ADARB1: variants seen among roughly 807,000 people sequenced by gnomAD.
ADARB1 encodes the protein double-stranded RNA-specific editase 1.
Under a neutral mutation model 52.4 loss-of-function variants are expected in ADARB1, and 10 were observed. The ratio of observed to expected loss-of-function variants is 0.19; its 90% CI spans 0.12 to 0.32. The LOEUF (loss-of-function observed/expected upper bound fraction) is 0.32. Among genes scored for constraint, ADARB1 ranks in the 10% least tolerant of loss-of-function variants. ADARB1 has a pLI of 1.00. For missense variants in ADARB1, 643 were observed against 922.3 expected, an observed-to-expected ratio of 0.70 and a Z score of 3.92; for synonymous variants, 349 against 371.1, an observed-to-expected ratio of 0.94 and a Z score of 0.68.
chr21:45,211,896 G>A (rs9978543), intron 9 of ADARB1, among the ~76,000 whole-genome samples: 22,120 of 152,094 alleles, frequency 0.15, 2,183 homozygotes, highest in African/African-American at 0.27. Context: ...AGACGTATGC[G>A]CTTATGACCA....
At chr21:45,109,158 CGTATATGTGTGTGCGCGCGT>C (rs1569015275) in intron 1 of ADARB1, among the ~76,000 whole-genome samples, 2 of 150,600 alleles carry the variant, frequency 1.3e-5, no homozygotes, top group East Asian at 4.0e-4. Flanking sequence ...CGCGCGTGTG[CGTATATGTGTGTGCGCGCGT>C]GTGCGTATAT....
rs771115853 is a variant in ADARB1 at position 45,220,800 on chromosome 21, G to A, written c.1748-36G>A. 24 of 1,600,878 alleles carry A rather than the reference G, an allele frequency of 1.5e-5. No individual in the cohort carries two copies. In the South Asian group the frequency reaches 1.8e-4, roughly 12 times the overall value. ...CTGCTCCCTCCCTGGGGGTGAAAGC[G>A]GGCTTCACACCACCTTCCTGTGTCT... On this transcript the variant is annotated intron_variant, in intron 9 of 10. Transcript: ENST00000348831. This position sits in a 1 kb window ranked among gnomAD's most constrained non-coding sequence, Gnocchi z 6.3.
intron 1 of ADARB1, among the ~76,000 whole-genome samples, chr21:45,102,796 C>G (rs2087079215): frequency 6.6e-6 from 1 of 152,228 alleles, no homozygotes; most frequent in Non-Finnish European, 1.5e-5. Context: ...CAGATCATCT[C>G]TGCATCTGCT....
intron 1 of ADARB1, among the ~76,000 whole-genome samples, chr21:45,094,588 T>C (rs1246174852): frequency 6.6e-6 from 1 of 152,102 alleles, no homozygotes; most frequent in African/African-American, 2.4e-5. Context: ...TCTGCTTGTG[T>C]TTCTGCTCTC....
At chr21:45,148,634 G>A (rs765209696) in intron 2 of ADARB1, among the ~76,000 whole-genome samples, 8 of 152,240 alleles carry the variant, frequency 5.3e-5, no homozygotes, top group Non-Finnish European at 1.2e-4. Context: ...GGGCACTGGA[G>A]CTGGTGCTGA....
At chr21:45,102,051 C>G (rs1466058085) in intron 1 of ADARB1, among the ~76,000 whole-genome samples, 1 of 152,106 alleles carries the variant, frequency 6.6e-6, no homozygotes, top group Admixed American at 6.5e-5. Flanking sequence ...CTACCACACC[C>G]AGCTAACTTT....
chr21:45,197,547 C>A (rs1479463357), intron 8 of ADARB1, among the ~76,000 whole-genome samples: 1 of 151,912 alleles, frequency 6.6e-6, no homozygotes, highest in Non-Finnish European at 1.5e-5. Context: ...GTAGCCTAGC[C>A]ATTTCACTCC....
At chr21:45,155,944 TCATCCATCATCCAGC>T (rs2145982633) in intron 2 of ADARB1, among the ~76,000 whole-genome samples, 1 of 26,000 alleles carries the variant, frequency 3.8e-5, no homozygotes, top group Non-Finnish European at 7.0e-5. Context: ...TCATCCCCCA[TCATCCATCATCCAGC>T]CATCCACCCA....
intron 8 of ADARB1, among the ~76,000 whole-genome samples, chr21:45,186,285 T>G (rs150994392): frequency 3.2e-4 from 48 of 152,350 alleles, no homozygotes; most frequent in African/African-American, 9.4e-4. Context: ...CACTACTGAC[T>G]TTTGCAAATC....
At chr21:45,179,490 C>T (rs1274363526) in intron 4 of ADARB1, among the ~76,000 whole-genome samples, 1 of 152,160 alleles carries the variant, frequency 6.6e-6, no homozygotes, top group African/African-American at 2.4e-5. Context: ...CATCATTTCC[C>T]AAAATGCCAT....
chr21:45,077,674 A>T (rs1568986905), intron 1 of ADARB1, among the ~76,000 whole-genome samples: 3 of 152,074 alleles, frequency 2.0e-5, no homozygotes, highest in Admixed American at 6.5e-5. Flanking sequence ...CTAAAAAAAA[A>T]AAAAGAAAAG....
At chr21:45,087,751 A>AT (rs2086403928) in intron 1 of ADARB1, among the ~76,000 whole-genome samples, 1 of 152,240 alleles carries the variant, frequency 6.6e-6, no homozygotes, top group Admixed American at 6.5e-5. Flanking sequence ...AAAATGAAAT[A>AT]TAAGCGGAAA....
intron 2 of ADARB1, among the ~76,000 whole-genome samples, chr21:45,154,749 G>A (rs976998559): frequency 2.6e-5 from 4 of 152,286 alleles, no homozygotes; most frequent in African/African-American, 7.2e-5. Context: ...AAAGAATAAT[G>A]TACCATTTAA....
chr21:45,224,424 C>T lies in ADARB1; in HGVS notation c.*2227C>T, dbSNP rs1441825869. The T allele has an allele frequency of 2.2e-6, 2 of 909,280 alleles. No individual in the cohort carries two copies. Among genetic ancestry groups the T allele is most frequent in the African/African-American group, 2.8e-5 (1 of 35,662 alleles). 56.3% of individuals were successfully genotyped at this position (909,280 alleles called of 1,614,324 possible). ...ACTCGTGCGGCCTTGAGGACAGGCA[C>T]AGGGCACCCTATCCCAAGCCGTCCA... is the stretch of plus-strand genomic sequence containing the variant. On this transcript the variant is annotated 3_prime_UTR_variant, in exon 11 of 11. Transcript: ENST00000348831.
At chr21:45,082,318 C>T (rs1452430637) in intron 1 of ADARB1, among the ~76,000 whole-genome samples, 1 of 152,146 alleles carries the variant, frequency 6.6e-6, no homozygotes, top group Non-Finnish European at 1.5e-5. Flanking sequence ...ATTTAATACA[C>T]CTAACCTTCA....
chr21:45,130,714 C>T (rs752022813), intron 2 of ADARB1, among the ~76,000 whole-genome samples: 4 of 152,148 alleles, frequency 2.6e-5, no homozygotes, highest in Admixed American at 6.5e-5. Context: ...CTGTCTGTGC[C>T]GTGTAGCCAC....
intron 2 of ADARB1, among the ~76,000 whole-genome samples, chr21:45,160,549 A>C (rs758925998): frequency 6.6e-6 from 1 of 152,210 alleles, no homozygotes; most frequent in South Asian, 2.1e-4. Flanking sequence ...CCAGTTGCTT[A>C]CTTCTGTTTA....
At chr21:45,091,039 C>T (rs1462043221) in intron 1 of ADARB1, among the ~76,000 whole-genome samples, 3 of 152,226 alleles carry the variant, frequency 2.0e-5, no homozygotes, top group Non-Finnish European at 4.4e-5. Context: ...TATAAACTGA[C>T]ATTTTTCATT....
intron 1 of ADARB1, among the ~76,000 whole-genome samples, chr21:45,117,532 T>C (rs1204046567): frequency 6.6e-6 from 1 of 152,088 alleles, no homozygotes; most frequent in African/African-American, 2.4e-5. Context: ...AGTGCCGTTC[T>C]CTTCGTAGGA....
Sources: allele counts gnomAD v4.1 joint callset (sites outside exome capture counted in the v4.1 genomes callset), GRCh38; gene constraint gnomAD v4.1.1; non-coding constraint Gnocchi (gnomAD v3.1); transcripts MANE v1.5; gene names NCBI Gene and HGNC (gene_info 2026-07-23, HGNC 2026-07-21).